C8orf88: variants seen among roughly 807,000 people sequenced by gnomAD.
C8orf88 encodes uncharacterized protein C8orf88.
A neutral mutation model predicts 18.4 loss-of-function variants in C8orf88; 14 were observed. That is an observed-to-expected ratio of 0.76 (90% confidence interval 0.50 to 1.19). The LOEUF (loss-of-function observed/expected upper bound fraction) is 1.19, where lower values mean the gene tolerates loss of function less well. Ranked by LOEUF, C8orf88 falls within the 50% of genes most tolerant of loss-of-function variation. The pLI, the probability that C8orf88 is intolerant of heterozygous loss-of-function variation, is 0.00. For synonymous variants in C8orf88, 45 were observed against 42.9 expected (o/e 1.05, Z -0.19); for missense variants, 116 against 134.7 (o/e 0.86, Z 0.69).
chr8:90,968,153 C>T (rs959340799), intron 4 of C8orf88, among the ~76,000 whole-genome samples: 4 of 151,816 alleles, frequency 2.6e-5, no homozygotes, highest in Non-Finnish European at 5.9e-5. Flanking sequence ...AAGACTTACA[C>T]TTCCCAATTT....
At chr8:90,970,498 G>GT (rs891534113) in intron 4 of C8orf88, among the ~76,000 whole-genome samples, 6 of 152,086 alleles carry the variant, frequency 3.9e-5, no homozygotes, top group South Asian at 2.1e-4. Flanking sequence ...CCCTAGAGCA[G>GT]TTTTTTCTTT....
intron 3 of C8orf88, among the ~76,000 whole-genome samples, chr8:90,975,918 C>T (rs1330482482): frequency 7.4e-6 from 1 of 134,702 alleles, no homozygotes; most frequent in African/African-American, 3.6e-5. Context: ...TAAAGTAGGA[C>T]ACTATTCCAC....
chr8:90,970,959 A>G lies in C8orf88; in HGVS notation c.223+107T>C. On this transcript the variant is annotated intron_variant, in intron 4 of 5. Coordinates refer to ENST00000517562, the MANE Select transcript of C8orf88 (RefSeq NM_001190972.2). ...TAGATAGAAATCAATCAAAAAATAT[A>G]TAATAAAATTTCATATAAGTTTGCA... 5 of 596,682 alleles carry G rather than the reference A, an allele frequency of 8.4e-6. 1 individual carries two copies. Among genetic ancestry groups the G allele is most frequent in the Non-Finnish European group, 8.0e-6 (3 of 375,780 alleles). The allele number at this position is 596,682 out of a possible 1,614,324, so 37.0% of individuals were successfully genotyped here.
chr8:90,984,481 G>A (rs1811477117), intron 1 of C8orf88, among the ~76,000 whole-genome samples: 1 of 152,102 alleles, frequency 6.6e-6, no homozygotes, highest in Admixed American at 6.5e-5. Flanking sequence ...GCACTATTAA[G>A]GAAAAATTAA....
intron 4 of C8orf88, among the ~76,000 whole-genome samples, 154 bp downstream of exon 4, chr8:90,970,912 C>T (rs1204963055): frequency 1.3e-5 from 2 of 151,922 alleles, no homozygotes; most frequent in African/African-American, 4.8e-5. Context: ...TGAAAGCAGT[C>T]AAAGTGGTAG....
At chr8:90,983,842 C>T (rs1307974495) in intron 1 of C8orf88, among the ~76,000 whole-genome samples, 2 of 152,140 alleles carry the variant, frequency 1.3e-5, no homozygotes, top group Non-Finnish European at 2.9e-5. Context: ...CTATTTGTTA[C>T]ATAAAAGAAA....
intron 3 of C8orf88, among the ~76,000 whole-genome samples, chr8:90,973,261 G>A (rs1178637149): frequency 6.6e-6 from 1 of 152,126 alleles, no homozygotes; most frequent in Non-Finnish European, 1.5e-5. Context: ...TGAAGGATCA[G>A]TAGGAGTTAG....
At chr8:90,975,960 C>T (rs1811343293) in intron 3 of C8orf88, among the ~76,000 whole-genome samples, 1 of 148,384 alleles carries the variant, frequency 6.7e-6, no homozygotes, top group Non-Finnish European at 1.5e-5. Flanking sequence ...CTGATATATA[C>T]AACATGAAAG....
rs1563555552 is a variant in C8orf88 at position 90,978,657 on chromosome 8, TAGGAG to T, written c.74-10_74-6del. On this transcript the variant is annotated splice_polypyrimidine_tract_variant and splice_region_variant and intron_variant, in intron 2 of 5. Transcript: ENST00000517562. Reference sequence around the variant, plus strand: ...AGTTGAAAGGGAACACTGCTCCTGTTAGGAGAGGAAGAAAACAATTTCATAGATCT... The same window carrying T: ...AGTTGAAAGGGAACACTGCTCCTGTTAGGAAGAAAACAATTTCATAGATCT... 1 of 1,502,894 alleles carries T rather than the reference TAGGAG, an allele frequency of 6.7e-7. No individual in the cohort carries two copies. The highest frequency in any genetic ancestry group is 2.5e-5 in the East Asian group (1 of 40,264). 93.1% of individuals were successfully genotyped at this position (1,502,894 alleles called of 1,614,324 possible). A position where few individuals can be genotyped will look rare whatever the true frequency, so the allele number is the denominator to read the frequency against.
chr8:90,981,423 AG>A (rs1167408442), intron 1 of C8orf88, among the ~76,000 whole-genome samples: 3 of 152,200 alleles, frequency 2.0e-5, no homozygotes, highest in African/African-American at 7.2e-5. Context: ...TCTTCCAAAC[AG>A]CTATTTATCT....
At position 90,959,599 on chromosome 8, in the gene C8orf88, T is replaced by C. The variant is rs543966735; in HGVS notation, c.331-569A>G. 3.2e-4 allele frequency among the ~76,000 whole-genome samples: 48 copies of C among 151,550 alleles called. 1 individual carries two copies. The highest frequency in any genetic ancestry group is 1.1e-3 in the African/African-American group (47 of 41,518). On this transcript the variant is annotated intron_variant, in intron 5 of 5. Transcript: ENST00000517562. ...CTGCTTTAATTAACTTTAAAAAGAATTGGCTAGAGATCTAAAGTTAGGGAG... is the reference window on the plus strand; with the variant it reads ...CTGCTTTAATTAACTTTAAAAAGAACTGGCTAGAGATCTAAAGTTAGGGAG...
chr8:90,979,975 C>A (rs58624537), intron 2 of C8orf88, among the ~76,000 whole-genome samples: 16,694 of 151,762 alleles, frequency 0.11, 1,094 homozygotes, highest in African/African-American at 0.19. Context: ...TTTTTTTTGG[C>A]ATTTAGTTAC....
At chr8:90,983,816 T>G (rs928428691) in intron 1 of C8orf88, among the ~76,000 whole-genome samples, 20 of 152,148 alleles carry the variant, frequency 1.3e-4, no homozygotes, top group Non-Finnish European at 1.5e-5. Flanking sequence ...GTTCACACCT[T>G]TATATCAAAA....
intron 4 of C8orf88, among the ~76,000 whole-genome samples, chr8:90,969,120 T>C (rs934888097): frequency 7.9e-5 from 12 of 151,792 alleles, no homozygotes; most frequent in African/African-American, 1.7e-4. Context: ...CCTAGGTATA[T>C]GCCTGAGAGA....
chr8:90,970,905 A>G (rs1430008089), intron 4 of C8orf88, among the ~76,000 whole-genome samples, 161 bp downstream of exon 4: 1 of 152,032 alleles, frequency 6.6e-6, no homozygotes, highest in Admixed American at 6.6e-5. Flanking sequence ...CTCTCCTTGA[A>G]AGCAGTCAAA....
In C8orf88 at chr8:90,958,596, A is replaced by G. The variant is rs183535347; in HGVS notation, c.*411T>C. ...TGAAATCAGTGGGAAGCAGAACAACAGAAGGAACTTTAAAAGCAACAAGCA... is the reference window on the plus strand; with the variant it reads ...TGAAATCAGTGGGAAGCAGAACAACGGAAGGAACTTTAAAAGCAACAAGCA... On this transcript the variant is annotated 3_prime_UTR_variant, in exon 6 of 6. Coordinates refer to ENST00000517562, the MANE Select transcript of C8orf88 (RefSeq NM_001190972.2). The G allele has an allele frequency of 5.7e-4, 97 of 170,094 alleles. No individual in the cohort carries two copies. Among genetic ancestry groups the G allele is most frequent in the Middle Eastern group, 5.2e-3 (2 of 382 alleles). The allele number at this position is 170,094 out of a possible 1,614,324, so 10.5% of individuals were successfully genotyped here.
intron 3 of C8orf88, among the ~76,000 whole-genome samples, chr8:90,977,908 T>C (rs1036854141): frequency 3.3e-5 from 5 of 151,952 alleles, no homozygotes; most frequent in Non-Finnish European, 7.4e-5. Context: ...GATGGTGCCA[T>C]TGCACTCCAG....
intron 3 of C8orf88, among the ~76,000 whole-genome samples, chr8:90,972,807 G>A (rs1178233923): frequency 6.6e-6 from 1 of 151,908 alleles, no homozygotes; most frequent in Non-Finnish European, 1.5e-5. Flanking sequence ...ATTTGTGAAG[G>A]GTATGCATCT....
chr8:90,968,657 C>CATATATAT (rs34558575), intron 4 of C8orf88, among the ~76,000 whole-genome samples: 1,349 of 72,740 alleles, frequency 0.019, 137 homozygotes, highest in African/African-American at 0.059. Context: ...GAAAAGACAA[C>CATATATAT]ATATATATAT....
Sources: gnomAD v4.1 joint callset for allele counts (sites outside exome capture counted in the v4.1 genomes callset) on GRCh38, gnomAD v4.1.1 for gene constraint, MANE v1.5 for transcripts, NCBI Gene and HGNC (gene_info 2026-07-23, HGNC 2026-07-21) for gene names.